Variants in SSPN observed in about 807,000 individuals in gnomAD.
SSPN encodes K-ras oncogene-associated protein.
Under a neutral mutation model 19.1 loss-of-function variants are expected in SSPN, and 15 were observed. The observed-to-expected ratio is 0.78, with a 90% CI of 0.52 to 1.21. The LOEUF is 1.21. Ranked by LOEUF, SSPN falls within the 50% of genes most tolerant of loss-of-function variation. The pLI, the probability that SSPN is intolerant of heterozygous loss-of-function variation, is 0.00. For missense variants in SSPN, 291 were observed against 314.0 expected (o/e 0.93, Z 0.55); for synonymous variants, 147 against 140.3 (o/e 1.05, Z -0.34).
intron 1 of SSPN, chr12:26,123,604 A>G (rs768367787): frequency 1.4e-5 from 21 of 1,516,158 alleles, no homozygotes; most frequent in Admixed American, 6.7e-5. Context: ...TCATCAGGGT[A>G]GGCTGGCCTC....
chr12:26,213,951 C>T (rs1156933235), intron 1 of SSPN, among the ~76,000 whole-genome samples: 1 of 152,062 alleles, frequency 6.6e-6, no homozygotes, highest in Non-Finnish European at 1.5e-5. Flanking sequence ...CAAAGAGTAC[C>T]TGGCACATGG....
At chr12:26,138,854 T>G (rs1375457672) in intron 1 of SSPN, among the ~76,000 whole-genome samples, 1 of 152,182 alleles carries the variant, frequency 6.6e-6, no homozygotes, top group Non-Finnish European at 1.5e-5. Flanking sequence ...CCATTTTAAT[T>G]TTACTGGAAC....
At chr12:26,192,963 G>A (rs1262919421), upstream of SSPN, among the ~76,000 whole-genome samples, 1 of 152,140 alleles carries the variant, frequency 6.6e-6, no homozygotes, top group East Asian at 1.9e-4. Flanking sequence ...GGCTAAAAAT[G>A]TTTCACTTTT....
chr12:26,209,851 A>G (rs959367554), intron 1 of SSPN, among the ~76,000 whole-genome samples: 12 of 150,274 alleles, frequency 8.0e-5, no homozygotes, highest in Non-Finnish European at 1.5e-5. Flanking sequence ...CATGCATGTA[A>G]GAGCTAGCCT....
At chr12:26,124,204 A>G in intron 1 of SSPN, 1 of 1,461,054 alleles carries the variant, frequency 6.8e-7, no homozygotes, top group Non-Finnish European at 9.6e-7. Context: ...GTCATGGAAA[A>G]GAGAAAACAG....
At chr12:26,146,346 T>G (rs1944490402) in intron 1 of SSPN, among the ~76,000 whole-genome samples, 1 of 152,296 alleles carries the variant, frequency 6.6e-6, no homozygotes, top group East Asian at 1.9e-4. Flanking sequence ...GCACCCTCAG[T>G]CTCACCCTCG....
intron 1 of SSPN, among the ~76,000 whole-genome samples, chr12:26,209,747 G>T (rs1489785739): frequency 6.6e-6 from 1 of 151,164 alleles, no homozygotes; most frequent in African/African-American, 2.4e-5. Context: ...TATAGGCTCT[G>T]CTCATTACTT....
In SSPN at chr12:26,232,450, A is replaced by G. The variant is rs1241952585; in HGVS notation, c.*1374A>G. ...AAAAATGGAAATTCATGAAACATAA[A>G]TGGTATCAAGAACTTTATCAGTATG... is the stretch of plus-strand genomic sequence containing the variant. On this transcript the variant is annotated 3_prime_UTR_variant, in exon 3 of 3. Coordinates refer to ENST00000242729, the MANE Select transcript of SSPN (RefSeq NM_005086.5). 1 of 985,342 alleles carries G rather than the reference A, an allele frequency of 1.0e-6. No homozygotes were observed. Among genetic ancestry groups the G allele is most frequent in the Non-Finnish European group, 1.2e-6 (1 of 829,936 alleles). The allele number at this position is 985,342 out of a possible 1,614,324, so 61.0% of individuals were successfully genotyped here. A position where few individuals can be genotyped will look rare whatever the true frequency, so the allele number is the denominator to read the frequency against.
At chr12:26,124,421 G>GA in intron 1 of SSPN, 3 of 1,347,186 alleles carry the variant, frequency 2.2e-6, no homozygotes, top group Non-Finnish European at 3.2e-6. Context: ...GAAGCTCAGG[G>GA]GCTGGAATAT....
chr12:26,139,378 G>A lies in SSPN; in HGVS notation c.-31+17226G>A, dbSNP rs561373174. 5.9e-5 allele frequency among the ~76,000 whole-genome samples: 9 copies of A among 152,262 alleles called. No homozygotes were observed. The South Asian group carries it at 1.9e-3, about 32-fold the overall frequency. On this transcript the variant is annotated intron_variant, in intron 1 of 2. Transcript: ENST00000538142. ...AACCTCATTTATTCATCATTGATAT[G>A]AGCAATGTTTTCACTAAATCAGGTA... is the stretch of plus-strand genomic sequence containing the variant.
In SSPN at chr12:26,210,691, A is replaced by G. The variant is rs1266161280; in HGVS notation, c.280-13602A>G. On this transcript the variant is annotated intron_variant, in intron 1 of 2. Coordinates refer to ENST00000242729, the MANE Select transcript of SSPN (RefSeq NM_005086.5). The stretch of plus-strand genomic sequence containing the variant: ...CCCCTGCATCTGTTGAGACAGAACA[A>G]TTTTCTTGATGACTTCCAGTGCTAG... 3.3e-5 allele frequency among the ~76,000 whole-genome samples: 5 copies of G among 152,102 alleles called. No individual in the cohort carries two copies. The East Asian group carries it at 9.6e-4, about 29-fold the overall frequency.
chr12:26,223,169 A>T (rs1326978351), intron 1 of SSPN, among the ~76,000 whole-genome samples: 1 of 152,106 alleles, frequency 6.6e-6, no homozygotes, highest in Admixed American at 6.6e-5. Flanking sequence ...TACTAAATCC[A>T]TCCCGTATCC....
chr12:26,134,671 C>G (rs1429463650), intron 1 of SSPN, among the ~76,000 whole-genome samples: 1 of 152,228 alleles, frequency 6.6e-6, no homozygotes, highest in South Asian at 2.1e-4. Flanking sequence ...TTGAAGTGTC[C>G]TTGTACCTGT....
At chr12:26,143,743 G>GATGTACATTTTGTGAT (rs1944473771) in intron 1 of SSPN, among the ~76,000 whole-genome samples, 2 of 152,180 alleles carry the variant, frequency 1.3e-5, no homozygotes, top group Admixed American at 6.5e-5. Flanking sequence ...TTAAAACAGG[G>GATGTACATTTTGTGAT]GTCCCTAACC....
In SSPN at chr12:26,232,007, GAA is replaced by G. The variant is rs57504579; in HGVS notation, c.*940_*941del. The stretch of plus-strand genomic sequence containing the variant: ...TCTTCTGAAAGCCAAGCACCACAAG[GAA>G]AAAAAAAATTATTAATAGCTCAGGT... On this transcript the variant is annotated 3_prime_UTR_variant, in exon 3 of 3. Transcript: ENST00000242729. 2.5e-5 allele frequency: 25 copies of G among 981,172 alleles called. No homozygotes were observed. The African/African-American group carries it at 3.5e-4, about 14-fold the overall frequency. The allele number at this position is 981,172 out of a possible 1,614,324, so 60.8% of individuals were successfully genotyped here.
At chr12:26,222,445 C>A (rs535932296) in intron 1 of SSPN, among the ~76,000 whole-genome samples, 3 of 152,330 alleles carry the variant, frequency 2.0e-5, no homozygotes, top group African/African-American at 7.2e-5. Flanking sequence ...GGGTTTGAAG[C>A]TGGCCCTGGG....
At chr12:26,203,452 A>T (rs1432838039) in intron 1 of SSPN, among the ~76,000 whole-genome samples, 2 of 152,132 alleles carry the variant, frequency 1.3e-5, no homozygotes, top group African/African-American at 4.8e-5. Context: ...TCTTTTAAAA[A>T]AATAGATGCT....
At chr12:26,128,565 C>T (rs936934834) in intron 1 of SSPN, among the ~76,000 whole-genome samples, 1 of 152,148 alleles carries the variant, frequency 6.6e-6, no homozygotes, top group African/African-American at 2.4e-5. Context: ...AAAAGTTCAC[C>T]TGTGGTGAGG....
intron 1 of SSPN, among the ~76,000 whole-genome samples, chr12:26,132,181 C>T (rs1459789556): frequency 2.6e-5 from 4 of 152,142 alleles, no homozygotes; most frequent in African/African-American, 7.2e-5. Context: ...CAGACAGACA[C>T]AAGGGTAAGG....
Sources: allele counts gnomAD v4.1 joint callset (sites outside exome capture counted in the v4.1 genomes callset), GRCh38; gene constraint gnomAD v4.1.1; transcripts MANE v1.5; gene names NCBI Gene and HGNC (gene_info 2026-07-23, HGNC 2026-07-21).